The following ELOVL5 variants were observed in gnomAD, a reference collection of about 807,000 sequenced individuals.
ELOVL5 encodes ELOVL fatty acid elongase 5, also known as very long chain fatty acid elongase 5.
A neutral mutation model predicts 38.6 loss-of-function variants in ELOVL5; 8 were observed. The ratio of observed to expected loss-of-function variants is 0.21; its 90% CI spans 0.12 to 0.37. The LOEUF is 0.37. ELOVL5 is among the 10% of genes least tolerant of loss of function. ELOVL5 has a pLI of 1.00. For synonymous variants in ELOVL5, 127 were observed against 133.7 expected (o/e 0.95, Z 0.34); for missense variants, 280 against 367.8 (o/e 0.76, Z 1.95).
chr6:53,345,238 C>T (rs1769487343), intron 1 of ELOVL5, among the ~76,000 whole-genome samples: 2 of 152,152 alleles, frequency 1.3e-5, no homozygotes, highest in Admixed American at 1.3e-4. Flanking sequence ...CAGTCTAGGA[C>T]ATAACAGACA....
In ELOVL5 at chr6:53,293,288, C is replaced by A. The variant is rs575086561; in HGVS notation, c.59-1325G>T. On this transcript the variant is annotated intron_variant, in intron 2 of 7. Transcript: ENST00000304434. The stretch of plus-strand genomic sequence containing the variant: ...GAGAAGCAGCAGTTGGGAGGACAGC[C>A]TTTGCCATTTCTTTAATTTTTTTAT... Among the ~76,000 whole-genome samples, 4 of 152,216 alleles carry A rather than the reference C, an allele frequency of 2.6e-5. No homozygotes were observed. The East Asian group carries it at 7.7e-4, about 29-fold the overall frequency.
intron 3 of ELOVL5, among the ~76,000 whole-genome samples, chr6:53,280,864 G>C (rs1057176401): frequency 6.6e-6 from 1 of 152,174 alleles, no homozygotes; most frequent in African/African-American, 2.4e-5. Context: ...CAAAGTGCTG[G>C]GATTCCAGGT....
At chr6:53,329,064 A>C (rs1368318700) in intron 1 of ELOVL5, among the ~76,000 whole-genome samples, 1 of 152,224 alleles carries the variant, frequency 6.6e-6, no homozygotes, top group Admixed American at 6.5e-5. Flanking sequence ...TAAAACACAG[A>C]ATTTATTTAG....
chr6:53,304,189 A>G (rs887056618), intron 1 of ELOVL5, among the ~76,000 whole-genome samples: 2 of 152,218 alleles, frequency 1.3e-5, no homozygotes, highest in South Asian at 4.1e-4. Flanking sequence ...GTTATTACAA[A>G]ATAAAAAGAA....
intron 3 of ELOVL5, among the ~76,000 whole-genome samples, chr6:53,288,406 G>A (rs1766650584): frequency 6.6e-6 from 1 of 152,084 alleles, no homozygotes; most frequent in Non-Finnish European, 1.5e-5. Flanking sequence ...TTTCATTTCC[G>A]AGCTTTCACC....
At chr6:53,310,142 TAATAA>T (rs1432461859) in intron 1 of ELOVL5, among the ~76,000 whole-genome samples, 1 of 152,174 alleles carries the variant, frequency 6.6e-6, no homozygotes, top group African/African-American at 2.4e-5. Flanking sequence ...AAGCACGGCC[TAATAA>T]AATATAAACC....
chr6:53,296,198 T>C (rs1236494792), intron 1 of ELOVL5, among the ~76,000 whole-genome samples: 1 of 151,924 alleles, frequency 6.6e-6, no homozygotes, highest in East Asian at 1.9e-4. Context: ...TAAAAAAAAA[T>C]TCAAGTATTA....
chr6:53,272,402 G>A (rs1038378387), intron 6 of ELOVL5, among the ~76,000 whole-genome samples: 66 of 152,172 alleles, frequency 4.3e-4, no homozygotes, highest in African/African-American at 1.5e-3. Context: ...CTCCCAAAAT[G>A]CTGTGATTAC....
intron 1 of ELOVL5, 53 bp downstream of exon 1, chr6:53,348,738 CTTCCCGGCCGCGCGCTCGCGCGGGTG>C: frequency 4.5e-6 from 2 of 447,772 alleles, no homozygotes; most frequent in South Asian, 3.1e-5. Flanking sequence ...TCTCTGACCG[CTTCCCGGCCGCGCGCTCGCGCGGGTG>C]TCATGGCCGA....
At chr6:53,280,361 C>A (rs1226429128) in intron 3 of ELOVL5, among the ~76,000 whole-genome samples, 1 of 152,222 alleles carries the variant, frequency 6.6e-6, no homozygotes, top group Non-Finnish European at 1.5e-5. Context: ...TTCTGAGGAA[C>A]TGAGATACAA....
chr6:53,290,202 G>C lies in ELOVL5; in HGVS notation c.246+1574C>G, dbSNP rs577673865. Reference sequence around the variant, plus strand: ...ACCAGGGAATCATCTGTTTAAGAGAGGATAAATAATGAAATTATAGCTATA... The same window carrying C: ...ACCAGGGAATCATCTGTTTAAGAGACGATAAATAATGAAATTATAGCTATA... On this transcript the variant is annotated intron_variant, in intron 3 of 7. Transcript: ENST00000304434. 7 of 152,280 alleles carry C rather than the reference G, an allele frequency of 4.6e-5. No individual in the cohort carries two copies. In the East Asian group the frequency reaches 1.2e-3, roughly 25 times the overall value. The allele number at this position is 152,280 out of a possible 1,614,324, so 9.4% of individuals were successfully genotyped here.
At chr6:53,308,253 T>G (rs1237442855) in intron 1 of ELOVL5, among the ~76,000 whole-genome samples, 2 of 152,210 alleles carry the variant, frequency 1.3e-5, no homozygotes, top group East Asian at 3.8e-4. Flanking sequence ...TCACTTCTAC[T>G]GTATCTCAAT....
chr6:53,275,409 G>GGGAGCTATGGTCACTCTCC (rs1426742841), intron 4 of ELOVL5, 148 bp from the exon 5 acceptor site: 1 of 725,898 alleles, frequency 1.4e-6, no homozygotes, highest in Non-Finnish European at 2.3e-6. Context: ...ATCAGTGGCT[G>GGGAGCTATGGTCACTCTCC]GGAGCTATGG....
chr6:53,326,274 T>C (rs1259700099), intron 1 of ELOVL5, among the ~76,000 whole-genome samples: 3 of 152,144 alleles, frequency 2.0e-5, no homozygotes, highest in African/African-American at 4.8e-5. Context: ...CTTGCCTCCT[T>C]CTATCCACCT....
Position 53,317,495 on chromosome 6 carries a change from G to C in ELOVL5, c.-8-21788C>G, listed in dbSNP as rs955173802. Among the ~76,000 whole-genome samples, 9 of 152,106 alleles carry C rather than the reference G, an allele frequency of 5.9e-5. No homozygotes were observed. The East Asian group carries it at 7.7e-4, about 13-fold the overall frequency. The stretch of plus-strand genomic sequence containing the variant: ...ATGATGAGTCCATGTCCTTTGTAGG[G>C]ACATAGATGAAACTGGAAACCATCA... On this transcript the variant is annotated intron_variant, in intron 1 of 7. Coordinates refer to ENST00000304434, the MANE Select transcript of ELOVL5 (RefSeq NM_021814.5).
intron 1 of ELOVL5, among the ~76,000 whole-genome samples, chr6:53,346,076 G>A (rs566732957): frequency 1.4e-4 from 21 of 151,974 alleles, no homozygotes; most frequent in Non-Finnish European, 2.6e-4. Flanking sequence ...CCCACCACCC[G>A]ATAGGCCCGG....
intron 1 of ELOVL5, among the ~76,000 whole-genome samples, chr6:53,303,025 G>A (rs903304441): frequency 6.6e-6 from 1 of 152,004 alleles, no homozygotes; most frequent in South Asian, 2.1e-4. Flanking sequence ...ACTTTTATCA[G>A]TCAACTCGTT....
At chr6:53,300,882 AC>A (rs904028376) in intron 1 of ELOVL5, among the ~76,000 whole-genome samples, 6 of 151,946 alleles carry the variant, frequency 3.9e-5, no homozygotes, top group South Asian at 2.1e-4. Flanking sequence ...CCATCTCCTA[AC>A]CCTCCTTCCT....
At chr6:53,305,144 G>C (rs1437413824) in intron 1 of ELOVL5, among the ~76,000 whole-genome samples, 4 of 149,208 alleles carry the variant, frequency 2.7e-5, no homozygotes, top group African/African-American at 9.9e-5. Flanking sequence ...GCGGCTCGCC[G>C]GGCAGGGGGC....
Sources: gnomAD v4.1 joint callset for allele counts (sites outside exome capture counted in the v4.1 genomes callset) on GRCh38, gnomAD v4.1.1 for gene constraint, MANE v1.5 for transcripts, NCBI Gene and HGNC (gene_info 2026-07-23, HGNC 2026-07-21) for gene names.